The following NADK variants were observed in gnomAD, a reference collection of about 807,000 sequenced individuals.
NADK encodes the protein NAD kinase.
A neutral mutation model predicts 49.8 loss-of-function variants in NADK; 22 were observed. The ratio of observed to expected loss-of-function variants is 0.44; its 90% CI spans 0.32 to 0.63. The LOEUF (loss-of-function observed/expected upper bound fraction) is 0.63. NADK is among the 30% of genes least tolerant of loss of function. The pLI is 0.06. For synonymous variants in NADK, 268 were observed against 253.7 expected, an observed-to-expected ratio of 1.06 and a Z score of -0.54; for missense variants, 438 against 609.4, an observed-to-expected ratio of 0.72 and a Z score of 2.96.
intron 1 of NADK, among the ~76,000 whole-genome samples, chr1:1,772,964 C>T (rs931152337): frequency 4.0e-5 from 6 of 150,196 alleles, no homozygotes; most frequent in Admixed American, 3.3e-4. Context: ...TCACTTGAAC[C>T]TGGGAGGGGG....
intron 3 of NADK, among the ~76,000 whole-genome samples, chr1:1,760,918 C>A (rs1049877919): frequency 6.6e-6 from 1 of 152,106 alleles, no homozygotes; most frequent in African/African-American, 2.4e-5. Context: ...CAATCTCAAC[C>A]TCCCAGGTTC....
chr1:1,760,034 G>A, intron 3 of NADK: 3 of 971,160 alleles, frequency 3.1e-6, no homozygotes, highest in Non-Finnish European at 4.6e-6. Context: ...GGAGCACTCT[G>A]GGTCACCCAC....
chr1:1,756,766 G>A, intron 4 of NADK, 158 bp from the exon 5 acceptor site: 1 of 1,254,200 alleles, frequency 8.0e-7, no homozygotes, highest in South Asian at 1.2e-5. Context: ...AACGCGCCAG[G>A]AGGAAGCAGG....
At chr1:1,771,049 A>AT (rs1301045326) in intron 1 of NADK, among the ~76,000 whole-genome samples, 4 of 144,044 alleles carry the variant, frequency 2.8e-5, no homozygotes, top group South Asian at 4.5e-4. Flanking sequence ...TTATAAAAAA[A>AT]AAAAAAATAT....
chr1:1,755,354 T>G lies in NADK; in HGVS notation c.688+20A>C. On this transcript the variant is annotated intron_variant, in intron 7 of 11. Transcript: ENST00000341426. ...CGCCATGATCAGAGCTCCTGTGGGC[T>G]CCAGAACATTCCAACTCACCCTCTA... The G allele has an allele frequency of 6.3e-7, 1 of 1,575,780 alleles. No individual in the cohort carries two copies. The highest frequency in any genetic ancestry group is 8.7e-7 in the Non-Finnish European group (1 of 1,145,084).
chr1:1,753,148 T>C, intron 11 of NADK, 88 bp from the exon 12 acceptor site: 3 of 1,459,890 alleles, frequency 2.1e-6, no homozygotes, highest in Non-Finnish European at 2.8e-6. Flanking sequence ...TCCCTGGGAA[T>C]GGCCGGGACT....
chr1:1,760,521 C>G (rs1381664074), intron 3 of NADK, among the ~76,000 whole-genome samples: 1 of 152,136 alleles, frequency 6.6e-6, no homozygotes, highest in East Asian at 1.9e-4. Context: ...CGGTGCCTGT[C>G]AGCAAAGGGC....
At chr1:1,767,084 T>C (rs1436284426) in intron 1 of NADK, among the ~76,000 whole-genome samples, 1 of 151,986 alleles carries the variant, frequency 6.6e-6, no homozygotes, top group South Asian at 2.1e-4. Flanking sequence ...TCAGCTAATT[T>C]TTTTGAATTT....
chr1:1,752,468 G>C lies in NADK; in HGVS notation c.*436C>G, dbSNP rs995601331. The C allele has an allele frequency of 6.5e-6, 1 of 154,872 alleles. No individual in the cohort carries two copies. Among genetic ancestry groups the C allele is most frequent in the Non-Finnish European group, 1.4e-5 (1 of 69,822 alleles). 9.6% of individuals were successfully genotyped at this position (154,872 alleles called of 1,614,324 possible). A position where few individuals can be genotyped will look rare whatever the true frequency, so the allele number is the denominator to read the frequency against. On this transcript the variant is annotated 3_prime_UTR_variant, in exon 12 of 12. Coordinates refer to ENST00000341426, the MANE Select transcript of NADK (RefSeq NM_023018.5). Reference sequence around the variant, plus strand: ...AGGGGCTTCCCTGCAGAAGTTTTAGGGGAAGAGGTGCAGGTCAAGGGGAAA... The same window carrying C: ...AGGGGCTTCCCTGCAGAAGTTTTAGCGGAAGAGGTGCAGGTCAAGGGGAAA...
chr1:1,753,419 G>A (rs1405134235), intron 11 of NADK, 148 bp downstream of exon 11: 16 of 668,784 alleles, frequency 2.4e-5, no homozygotes, highest in South Asian at 1.8e-4. Context: ...CGGGTGCCCC[G>A]ACTGTGATGC....
At chr1:1,762,663 A>G (rs1557849138) in intron 2 of NADK, among the ~76,000 whole-genome samples, 1 of 152,190 alleles carries the variant, frequency 6.6e-6, no homozygotes, top group Non-Finnish European at 1.5e-5. Context: ...AGGCTGAGGC[A>G]AGAGAACTGC....
chr1:1,753,602 A>G lies in NADK; in HGVS notation c.1149T>C (p.Asp383=). 1 of 1,612,938 alleles carries G rather than the reference A, an allele frequency of 6.2e-7. No individual in the cohort carries two copies. Reference sequence around the variant, plus strand: ...GGCGGATCTCTTGTCTCTTCCGTCCATCAAAGGACACCCATGCTGTGTTCC... The same window carrying G: ...GGCGGATCTCTTGTCTCTTCCGTCCGTCAAAGGACACCCATGCTGTGTTCC... ...EARNTAWVSF[D]GRKRQEIRHG... The change falls in exon 11 of 12, where the codon GAT becomes GAC. Residue 383 remains aspartate, a synonymous_variant. Coordinates refer to ENST00000341426, the MANE Select transcript of NADK (RefSeq NM_023018.5).
At position 1,757,223 on chromosome 1, in the gene NADK, G is replaced by C; in HGVS notation, c.351C>G (p.Ser117Arg). Residue 117 changes from serine (S) to arginine (R), a missense_variant, in exon 4 of 12, where the codon AGC becomes AGG. Ser to Arg is a moderately radical substitution (Grantham distance 110). Transcript: ENST00000341426. ...VLVIKKMRDA[S>R]LLQPFKELCT... The stretch of plus-strand genomic sequence containing the variant: ...AGAGCTCCTTGAACGGCTGCAGTAG[G>C]CTGGCATCTCTCATCTTCTTGATGA... 6.2e-7 allele frequency: 1 copy of C among 1,613,022 alleles called. No individual in the cohort carries two copies. The highest frequency in any genetic ancestry group is 2.2e-5 in the East Asian group (1 of 44,794).
At chr1:1,776,328 G>C (rs1241087695) in intron 1 of NADK, among the ~76,000 whole-genome samples, 3 of 152,196 alleles carry the variant, frequency 2.0e-5, no homozygotes, top group African/African-American at 7.2e-5. Context: ...AAGGATTTAT[G>C]AGTCAAACAG....
rs373077528 is a variant in NADK, at chr1:1,754,125, T to C, written c.1027A>G (p.Ile343Val). 1 of 1,611,164 alleles carries C rather than the reference T, an allele frequency of 6.2e-7. No homozygotes were observed. The highest frequency in any genetic ancestry group is 8.5e-7 in the Non-Finnish European group (1 of 1,178,970). ...TGGGGGCAGATGGGCGTGATCATGA[T>C]GGCCGGCACGTTGGGGTGGATCATG... ...ASMIHPNVPA[I>V]MITPICPHSL... The change falls in exon 10 of 12, where the codon ATC becomes GTC. Residue 343 changes from isoleucine (I) to valine (V), a missense_variant. By Grantham distance (29) the Ile-to-Val change is conservative. Coordinates refer to ENST00000341426, the MANE Select transcript of NADK (RefSeq NM_023018.5). This position sits in a 1 kb window ranked among gnomAD's most constrained non-coding sequence, Gnocchi z 4.3.
chr1:1,759,309 G>A, intron 3 of NADK: 1 of 1,467,456 alleles, frequency 6.8e-7, no homozygotes, highest in Non-Finnish European at 9.0e-7. Context: ...AGAGGGCAGG[G>A]GGTGGCGTGA....
chr1:1,755,410 C>T lies in NADK; in HGVS notation c.652G>A (p.Glu218Lys), dbSNP rs1449279914. Reference protein sequence around the residue: ...SLGFLTPFSFENFQSQVTQVI... With the variant: ...SLGFLTPFSFKNFQSQVTQVI... ...TGAGTAACTTGGGACTGAAAGTTCTCAAAGCTGAATGGGGTCAGGAAGCCC... is the reference window on the plus strand; with the variant it reads ...TGAGTAACTTGGGACTGAAAGTTCTTAAAGCTGAATGGGGTCAGGAAGCCC... Residue 218 changes from glutamate to lysine, a missense_variant, in exon 7 of 12, where the codon GAG becomes AAG. Coordinates refer to ENST00000341426, the MANE Select transcript of NADK (RefSeq NM_023018.5). 1.2e-6 allele frequency: 2 copies of T among 1,614,102 alleles called. No individual in the cohort carries two copies. Among genetic ancestry groups the T allele is most frequent in the South Asian group, 2.2e-5 (2 of 91,084 alleles).
upstream of NADK, among the ~76,000 whole-genome samples, chr1:1,779,726 G>A (rs1471102509): frequency 6.6e-6 from 1 of 152,010 alleles, no homozygotes. Flanking sequence ...CCCAGGCTGG[G>A]TCTCAAACTT....
chr1:1,760,457 C>T (rs1267747401), intron 3 of NADK, among the ~76,000 whole-genome samples: 1 of 152,242 alleles, frequency 6.6e-6, no homozygotes, highest in African/African-American at 2.4e-5. Context: ...ACTTCGGTGA[C>T]AGCCCAGGGC....
Sources: gnomAD v4.1 joint callset for allele counts (sites outside exome capture counted in the v4.1 genomes callset) on GRCh38, gnomAD v4.1.1 for gene constraint, Gnocchi (gnomAD v3.1) non-coding constraint, MANE v1.5 for transcripts, NCBI Gene and HGNC (gene_info 2026-07-23, HGNC 2026-07-21) for gene names.